IDE: variants seen among roughly 807,000 people sequenced by gnomAD.
IDE encodes insulin-degrading enzyme.
Under a neutral mutation model 133.2 loss-of-function variants are expected in IDE, and 58 were observed. That is an observed-to-expected ratio of 0.44 (90% CI 0.35 to 0.54). The LOEUF is 0.54. IDE is among the 20% of genes least tolerant of loss of function. IDE has a pLI of 0.00. For synonymous variants in IDE, 396 were observed against 421.3 expected, an observed-to-expected ratio of 0.94 and a Z score of 0.73; for missense variants, 981 against 1,234.0, an observed-to-expected ratio of 0.79 and a Z score of 3.07.
At chr10:92,511,109 T>A (rs563127646) in intron 5 of IDE, among the ~76,000 whole-genome samples, 1 of 149,494 alleles carries the variant, frequency 6.7e-6, no homozygotes, top group Non-Finnish European at 1.5e-5. Flanking sequence ...AAACTTTTTT[T>A]TTTTTTTTTT....
intron 5 of IDE, among the ~76,000 whole-genome samples, chr10:92,511,220 G>A (rs1848614569): frequency 6.6e-6 from 1 of 150,488 alleles, no homozygotes; most frequent in Non-Finnish European, 1.5e-5. Context: ...TCATGTCTCA[G>A]CCTCCCCAGT....
At chr10:92,480,886 AC>A in intron 14 of IDE, 1 of 944,256 alleles carries the variant, frequency 1.1e-6, no homozygotes, top group Non-Finnish European at 1.3e-6. Flanking sequence ...GAGCTATCGC[AC>A]CCAGCCAAAA....
intron 20 of IDE, among the ~76,000 whole-genome samples, chr10:92,465,221 C>T (rs1008576202): frequency 2.6e-5 from 4 of 152,192 alleles, no homozygotes; most frequent in African/African-American, 9.7e-5. Flanking sequence ...TTGATCAAAT[C>T]TGCCAGTACC....
At chr10:92,572,855 C>T (rs1040575561) in intron 1 of IDE, 1 of 981,360 alleles carries the variant, frequency 1.0e-6, no homozygotes, top group African/African-American at 1.8e-5. Flanking sequence ...GCCTACCCCC[C>T]CATCTCTGGC....
intron 7 of IDE, 27 bp from the exon 8 acceptor site, chr10:92,508,232 G>A (rs765403045): frequency 9.8e-6 from 15 of 1,522,986 alleles, no homozygotes; most frequent in South Asian, 4.6e-5. Context: ...AAATCAATAC[G>A]ATTGATTGCA....
At chr10:92,469,385 A>G (rs1185443958) in intron 18 of IDE, among the ~76,000 whole-genome samples, 1 of 151,792 alleles carries the variant, frequency 6.6e-6, no homozygotes, top group African/African-American at 2.4e-5. Context: ...CCTTGGGCAT[A>G]TTGTTCTGGA....
chr10:92,501,852 G>T (rs1244132358), intron 11 of IDE, among the ~76,000 whole-genome samples: 1 of 151,992 alleles, frequency 6.6e-6, no homozygotes, highest in South Asian at 2.1e-4. Context: ...GCGGGTGCCT[G>T]TAATCCCAGC....
At chr10:92,457,055 G>GATGAGAAAACTGAATCCAAGGAT (rs1845069289) in intron 22 of IDE, among the ~76,000 whole-genome samples, 2 of 151,846 alleles carry the variant, frequency 1.3e-5, no homozygotes, top group Admixed American at 6.6e-5. Flanking sequence ...AATCCAAGGA[G>GATGAGAAAACTGAATCCAAGGAT]ATTAAAAAAC....
chr10:92,555,875 T>C (rs887619042), intron 1 of IDE, among the ~76,000 whole-genome samples: 10 of 151,934 alleles, frequency 6.6e-5, no homozygotes, highest in African/African-American at 2.4e-4. Context: ...GGCGTACAAA[T>C]TAGAAAGAAA....
intron 9 of IDE, 24 bp from the exon 10 acceptor site, chr10:92,506,546 T>G (rs760152310): frequency 8.3e-7 from 1 of 1,207,196 alleles, no homozygotes; most frequent in Non-Finnish European, 1.2e-6. Context: ...TTAATCCAAT[T>G]AGATACGGCC....
chr10:92,544,345 C>A (rs1564667043), intron 1 of IDE, among the ~76,000 whole-genome samples: 1 of 152,062 alleles, frequency 6.6e-6, no homozygotes, highest in South Asian at 2.1e-4. Flanking sequence ...TCCTTCCATT[C>A]TCCTTAAGTG....
At chr10:92,474,065 A>AT (rs1005992203) in intron 17 of IDE, among the ~76,000 whole-genome samples, 3 of 151,380 alleles carry the variant, frequency 2.0e-5, no homozygotes, top group African/African-American at 4.8e-5. Context: ...AGAAAAAAAA[A>AT]TTTTTTTTTG....
chr10:92,541,528 CATTTAT>C (rs934937998), intron 1 of IDE, among the ~76,000 whole-genome samples: 20 of 152,270 alleles, frequency 1.3e-4, no homozygotes, highest in Admixed American at 1.2e-3. Context: ...CTTTCCCAGA[CATTTAT>C]ATTTTTAACT....
intron 1 of IDE, among the ~76,000 whole-genome samples, chr10:92,557,297 G>T (rs761405926): frequency 2.6e-5 from 4 of 152,190 alleles, no homozygotes; most frequent in Non-Finnish European, 4.4e-5. Flanking sequence ...AGCACTTTGG[G>T]AGGCCGAGGG....
At chr10:92,456,904 C>T (rs979108154) in intron 22 of IDE, among the ~76,000 whole-genome samples, 17 of 143,092 alleles carry the variant, frequency 1.2e-4, no homozygotes, top group Admixed American at 5.0e-4. Flanking sequence ...ACTTCCCTTT[C>T]TTTCCCCTCA....
chr10:92,527,110 T>TA (rs1300697873), intron 4 of IDE, among the ~76,000 whole-genome samples: 6 of 152,068 alleles, frequency 3.9e-5, no homozygotes, highest in African/African-American at 1.2e-4. Context: ...TATCTGAAGA[T>TA]AAAAAAAATT....
At chr10:92,462,356 C>T (rs1001910769) in intron 21 of IDE, among the ~76,000 whole-genome samples, 1 of 148,672 alleles carries the variant, frequency 6.7e-6, no homozygotes, top group Non-Finnish European at 1.5e-5. Context: ...TGCAGTGGCT[C>T]ACACCTGTAA....
chr10:92,475,321 C>T (rs1846196249), intron 16 of IDE, among the ~76,000 whole-genome samples: 1 of 152,124 alleles, frequency 6.6e-6, no homozygotes, highest in African/African-American at 2.4e-5. Context: ...AAGCAAGCAA[C>T]ATAAATAGGT....
At chr10:92,532,776 T>A (rs973648077) in intron 3 of IDE, among the ~76,000 whole-genome samples, 1 of 151,950 alleles carries the variant, frequency 6.6e-6, no homozygotes, top group Non-Finnish European at 1.5e-5. Context: ...TTGATTCAGA[T>A]GAAGCTAAGA....
Sources: gnomAD v4.1 joint callset for allele counts (sites outside exome capture counted in the v4.1 genomes callset) on GRCh38, gnomAD v4.1.1 for gene constraint, MANE v1.5 for transcripts, NCBI Gene and HGNC (gene_info 2026-07-23, HGNC 2026-07-21) for gene names.